Variants in ANKS1B observed in about 807,000 individuals in gnomAD.
ANKS1B encodes the protein ankyrin repeat and sterile alpha motif domain containing 1B.
Under a neutral mutation model 148.3 loss-of-function variants are expected in ANKS1B, and 36 were observed. The observed-to-expected ratio is 0.24, with a 90% confidence interval of 0.19 to 0.32. The LOEUF (loss-of-function observed/expected upper bound fraction) is 0.32, where lower values mean the gene tolerates loss of function less well. Among genes scored for constraint, ANKS1B ranks in the 10% least tolerant of loss-of-function variants. ANKS1B has a pLI of 1.00. For synonymous variants in ANKS1B, 542 were observed against 560.8 expected, an observed-to-expected ratio of 0.97 and a Z score of 0.47; for missense variants, 1,157 against 1,542.6, an observed-to-expected ratio of 0.75 and a Z score of 4.19.
chr12:99,098,448 T>C (rs2056910881), intron 15 of ANKS1B, among the ~76,000 whole-genome samples: 1 of 152,158 alleles, frequency 6.6e-6, no homozygotes, highest in South Asian at 2.1e-4. Flanking sequence ...CTTACAGCTC[T>C]GCACTTTAAT....
intron 1 of ANKS1B, among the ~76,000 whole-genome samples, chr12:99,890,150 A>G (rs1424296829): frequency 6.6e-6 from 1 of 152,172 alleles, no homozygotes; most frequent in East Asian, 1.9e-4. Context: ...AGATACCGTG[A>G]TGGTTAATTT....
intron 17 of ANKS1B, among the ~76,000 whole-genome samples, chr12:98,885,946 C>A (rs951055841): frequency 4.0e-5 from 6 of 151,428 alleles, no homozygotes; most frequent in African/African-American, 1.5e-4. Context: ...TGCCCAGGCA[C>A]CAGCAAGATG....
chr12:99,292,728 C>T (rs2080198764), intron 12 of ANKS1B, among the ~76,000 whole-genome samples: 2 of 152,108 alleles, frequency 1.3e-5, no homozygotes, highest in South Asian at 2.1e-4. Flanking sequence ...AACATCTATC[C>T]AGCCAACAGA....
At chr12:99,428,043 G>A (rs1480979982) in intron 11 of ANKS1B, among the ~76,000 whole-genome samples, 1 of 152,180 alleles carries the variant, frequency 6.6e-6, no homozygotes, top group East Asian at 1.9e-4. Flanking sequence ...ATGAAGGTAG[G>A]AAATCCTAAA....
At chr12:99,613,163 G>A (rs1039620535) in intron 9 of ANKS1B, among the ~76,000 whole-genome samples, 2 of 152,112 alleles carry the variant, frequency 1.3e-5, no homozygotes, top group African/African-American at 2.4e-5. Flanking sequence ...GAGTAAAGAA[G>A]GCATTTTCGA....
At chr12:99,652,532 T>C (rs1425675843) in intron 9 of ANKS1B, among the ~76,000 whole-genome samples, 8 of 152,104 alleles carry the variant, frequency 5.3e-5, no homozygotes, top group Admixed American at 5.2e-4. Context: ...ATTGCTGGTT[T>C]GTTAGATTAA....
chr12:99,505,819 C>T (rs1034200363), intron 9 of ANKS1B, among the ~76,000 whole-genome samples: 3 of 151,758 alleles, frequency 2.0e-5, no homozygotes, highest in Non-Finnish European at 2.9e-5. Context: ...CAAAAAAACC[C>T]AAAGTAAGTT....
chr12:98,798,625 T>C (rs927482606), intron 22 of ANKS1B, among the ~76,000 whole-genome samples: 2 of 152,194 alleles, frequency 1.3e-5, no homozygotes, highest in Admixed American at 1.3e-4. Context: ...ATTCAGTGCG[T>C]GCTTAAAACC....
chr12:98,891,703 A>G (rs2099753088), intron 17 of ANKS1B, among the ~76,000 whole-genome samples: 1 of 152,196 alleles, frequency 6.6e-6, no homozygotes, highest in Non-Finnish European at 1.5e-5. Flanking sequence ...CATTACATAT[A>G]ATAGCCAATG....
chr12:99,686,844 T>C (rs762705324), intron 8 of ANKS1B, among the ~76,000 whole-genome samples: 8 of 152,202 alleles, frequency 5.3e-5, no homozygotes, highest in Non-Finnish European at 1.2e-4. Context: ...ATTTTTACTG[T>C]ACACAGAAGA....
chr12:99,742,641 T>C (rs1439703589), intron 8 of ANKS1B, among the ~76,000 whole-genome samples: 9 of 151,810 alleles, frequency 5.9e-5, no homozygotes, highest in Admixed American at 5.9e-4. Context: ...GAGACCAGCC[T>C]GACCAACACG....
chr12:99,877,192 T>A (rs1479255135), intron 1 of ANKS1B, among the ~76,000 whole-genome samples: 1 of 152,096 alleles, frequency 6.6e-6, no homozygotes, highest in African/African-American at 2.4e-5. Flanking sequence ...CTGATTAAGG[T>A]ATTATACTCT....
At chr12:99,281,507 A>G (rs1488995014) in intron 12 of ANKS1B, among the ~76,000 whole-genome samples, 1 of 152,184 alleles carries the variant, frequency 6.6e-6, no homozygotes, top group Non-Finnish European at 1.5e-5. Flanking sequence ...GGCAATGTTC[A>G]GATCTGACTC....
At chr12:99,154,813 T>A in intron 14 of ANKS1B, 1 of 1,504,762 alleles carries the variant, frequency 6.6e-7, no homozygotes, top group Non-Finnish European at 8.8e-7. Context: ...CCTACACTCA[T>A]CAGTATGCAG....
At chr12:98,736,586 GTCA>G (rs914050916) in intron 9 of ANKS1B, among the ~76,000 whole-genome samples, 1 of 152,176 alleles carries the variant, frequency 6.6e-6, no homozygotes, top group Non-Finnish European at 1.5e-5. Context: ...AAATCTGAGA[GTCA>G]TCAGTGAATT....
At position 99,368,503 on chromosome 12, in the gene ANKS1B, C is replaced by T. The variant is rs1330243776; in HGVS notation, c.1756+31128G>A. On this transcript the variant is annotated intron_variant, in intron 12 of 26. Coordinates refer to ENST00000683438, the MANE Select transcript of ANKS1B (RefSeq NM_001352186.2). ...TGAATGTCTTAGAAACTAAGATTTT[C>T]ATTATAAAAGAAAAGAGACAATATA... Among the ~76,000 whole-genome samples, 11 of 152,008 alleles carry T rather than the reference C, an allele frequency of 7.2e-5. No homozygotes were observed. The East Asian group carries it at 2.1e-3, about 29-fold the overall frequency.
At chr12:99,333,600 C>A (rs1184887282) in intron 12 of ANKS1B, among the ~76,000 whole-genome samples, 1 of 152,090 alleles carries the variant, frequency 6.6e-6, no homozygotes, top group African/African-American at 2.4e-5. Flanking sequence ...GAAGCCGCTG[C>A]ATGCCTCTAA....
At chr12:99,475,782 T>C (rs909480332) in intron 10 of ANKS1B, among the ~76,000 whole-genome samples, 2 of 151,900 alleles carry the variant, frequency 1.3e-5, no homozygotes, top group African/African-American at 4.8e-5. Flanking sequence ...ATCAGTCATA[T>C]AAAAAATGAA....
At chr12:99,184,595 A>G (rs1280039603) in intron 14 of ANKS1B, among the ~76,000 whole-genome samples, 3 of 152,356 alleles carry the variant, frequency 2.0e-5, no homozygotes, top group East Asian at 3.9e-4. Context: ...ATTTCAAAAT[A>G]TCATTAGGAG....
Sources: gnomAD v4.1 joint callset for allele counts (sites outside exome capture counted in the v4.1 genomes callset) on GRCh38, gnomAD v4.1.1 for gene constraint, MANE v1.5 for transcripts, NCBI Gene and HGNC (gene_info 2026-07-23, HGNC 2026-07-21) for gene names.